The following TRAF2 variants were observed in gnomAD, a reference collection of about 807,000 sequenced individuals.
The protein encoded by TRAF2 is TNF receptor associated factor 2.
A neutral mutation model predicts 55.6 loss-of-function variants in TRAF2; 6 were observed. The ratio of observed to expected loss-of-function variants is 0.11; its 90% CI spans 0.06 to 0.21. TRAF2 has a LOEUF of 0.21. Among genes scored for constraint, TRAF2 ranks in the 10% least tolerant of loss-of-function variants. The pLI, the probability that TRAF2 is intolerant of heterozygous loss-of-function variation, is 1.00. For synonymous variants in TRAF2, 329 were observed against 276.3 expected, an observed-to-expected ratio of 1.19 and a Z score of -1.89; for missense variants, 561 against 684.5, an observed-to-expected ratio of 0.82 and a Z score of 2.01.
At chr9:136,919,033 C>T (rs1040255146) in intron 7 of TRAF2, among the ~76,000 whole-genome samples, 1 of 47,158 alleles carries the variant, frequency 2.1e-5, no homozygotes, top group Non-Finnish European at 4.6e-5. Flanking sequence ...CTGCACCTGG[C>T]CTATTTTAAT....
chr9:136,916,444 G>A lies in TRAF2; in HGVS notation c.604-97G>A, dbSNP rs1850243353. ...GAGAGTGAAGAGGCCAACGGGGCAG[G>A]TCATGTAACCTCTGTGTCAGTCAGT... is the stretch of plus-strand genomic sequence containing the variant. On this transcript the variant is annotated intron_variant, in intron 6 of 10. Transcript: ENST00000247668. 3 of 1,282,400 alleles carry A rather than the reference G, an allele frequency of 2.3e-6. No individual in the cohort carries two copies. The Admixed American group carries it at 5.1e-5, about 22-fold the overall frequency. The allele number at this position is 1,282,400 out of a possible 1,614,324, so 79.4% of individuals were successfully genotyped here.
At chr9:136,900,189 A>AT (rs1849784422) in intron 3 of TRAF2, among the ~76,000 whole-genome samples, 1 of 144,976 alleles carries the variant, frequency 6.9e-6, no homozygotes, top group Non-Finnish European at 1.5e-5. Context: ...AAAAGAATAA[A>AT]GGGCCGCCAG....
rs1040614001 is a variant in TRAF2 at position 136,926,191 on chromosome 9, C to T, written c.*290C>T. 1 of 560,882 alleles carries T rather than the reference C, an allele frequency of 1.8e-6. No individual in the cohort carries two copies. Among genetic ancestry groups the T allele is most frequent in the East Asian group, 3.6e-5 (1 of 27,946 alleles). 34.7% of individuals were successfully genotyped at this position (560,882 alleles called of 1,614,324 possible). On this transcript the variant is annotated 3_prime_UTR_variant, in exon 11 of 11. Transcript: ENST00000247668. The stretch of plus-strand genomic sequence containing the variant: ...TCCCAGCACAAGCTGCCCTTGCTGT[C>T]CTGTGCAGTGAAGGGAGAGGCCCTG...
At chr9:136,885,704 G>A (rs1849431552), upstream of TRAF2, among the ~76,000 whole-genome samples, 2 of 152,050 alleles carry the variant, frequency 1.3e-5, no homozygotes, top group African/African-American at 2.4e-5. Flanking sequence ...GGAGGCGGAG[G>A]TTGCAGTGAG....
At chr9:136,893,126 C>T (rs949554659) in intron 1 of TRAF2, among the ~76,000 whole-genome samples, 3 of 152,146 alleles carry the variant, frequency 2.0e-5, no homozygotes, top group African/African-American at 4.8e-5. Context: ...CTGTGAGCTC[C>T]GGAACATCCA....
At chr9:136,918,254 TATATTTATTTAA>T (rs200266708) in intron 7 of TRAF2, among the ~76,000 whole-genome samples, 61,272 of 113,956 alleles carry the variant, frequency 0.54, 14,388 homozygotes, top group East Asian at 0.69. Context: ...TATATATATA[TATATTTATTTAA>T]TTAATTAATT....
chr9:136,922,729 G>C (rs1415098923), intron 9 of TRAF2, among the ~76,000 whole-genome samples: 1 of 143,344 alleles, frequency 7.0e-6, no homozygotes, highest in Non-Finnish European at 1.5e-5. Context: ...GGTGGAGGAC[G>C]GGGACGGGGA....
At chr9:136,901,327 C>T (rs1849815294) in intron 4 of TRAF2, among the ~76,000 whole-genome samples, 1 of 152,194 alleles carries the variant, frequency 6.6e-6, no homozygotes, top group South Asian at 2.1e-4. Flanking sequence ...CCTGGAGTAA[C>T]ACTGTCCACA....
At chr9:136,919,717 C>A (rs1317954153) in intron 7 of TRAF2, among the ~76,000 whole-genome samples, 1 of 151,654 alleles carries the variant, frequency 6.6e-6, no homozygotes, top group African/African-American at 2.4e-5. Context: ...CTGTCCCGTC[C>A]CTTTTTTCTT....
rs565006356 is a variant in TRAF2 at position 136,896,799 on chromosome 9, G to A, written c.-28-1914G>A. ...AATTTTTTGTATTTTTAATAGAGAC[G>A]GGGTTTCACCGTGTTAGCCAGGATG... On this transcript the variant is annotated intron_variant, in intron 1 of 10. Coordinates refer to ENST00000247668, the MANE Select transcript of TRAF2 (RefSeq NM_021138.4). 2.3e-4 allele frequency among the ~76,000 whole-genome samples: 35 copies of A among 152,220 alleles called. 1 individual carries two copies. The East Asian group carries it at 6.6e-3, about 29-fold the overall frequency.
At chr9:136,923,484 G>A (rs967090713) in intron 9 of TRAF2, among the ~76,000 whole-genome samples, 2 of 151,948 alleles carry the variant, frequency 1.3e-5, no homozygotes, top group African/African-American at 2.4e-5. Context: ...GGTGTCGAGC[G>A]TCTGTAATCT....
chr9:136,922,920 C>T (rs1338910575), intron 9 of TRAF2, among the ~76,000 whole-genome samples: 1 of 113,018 alleles, frequency 8.8e-6, no homozygotes, highest in Non-Finnish European at 1.8e-5. Context: ...CTTGGGGGCA[C>T]GCGGTGGAGG....
At chr9:136,915,866 C>A (rs970013342) in intron 6 of TRAF2, among the ~76,000 whole-genome samples, 1 of 152,174 alleles carries the variant, frequency 6.6e-6, no homozygotes, top group African/African-American at 2.4e-5. Flanking sequence ...ACAGTTACGG[C>A]CGTTTCCCTC....
chr9:136,920,635 C>A, intron 8 of TRAF2, 120 bp downstream of exon 8: 1 of 1,310,990 alleles, frequency 7.6e-7, no homozygotes, highest in Non-Finnish European at 1.0e-6. Context: ...AGAACTCCAT[C>A]TGCAAACCCC....
At chr9:136,904,654 G>A (rs947609004) in intron 4 of TRAF2, among the ~76,000 whole-genome samples, 1 of 151,952 alleles carries the variant, frequency 6.6e-6, no homozygotes, top group Non-Finnish European at 1.5e-5. Context: ...TGATCCACCC[G>A]CCTCGGCCTC....
chr9:136,913,499 A>G (rs1850170624), intron 6 of TRAF2, among the ~76,000 whole-genome samples: 1 of 151,362 alleles, frequency 6.6e-6, no homozygotes, highest in Non-Finnish European at 1.5e-5. Context: ...GGGTTTCACT[A>G]TGTTGGCCAG....
intron 6 of TRAF2, among the ~76,000 whole-genome samples, chr9:136,912,696 G>C (rs534925207): frequency 6.6e-6 from 1 of 152,144 alleles, no homozygotes; most frequent in African/African-American, 2.4e-5. Flanking sequence ...AATTAGCTGG[G>C]CATGGTGGTG....
At chr9:136,920,579 C>T in intron 8 of TRAF2, 64 bp downstream of exon 8, 1 of 1,517,036 alleles carries the variant, frequency 6.6e-7, no homozygotes, top group Non-Finnish European at 8.8e-7. Context: ...TGTTCGTGCC[C>T]CAGCAGGTTC....
At chr9:136,886,214 A>G (rs1274846962), upstream of TRAF2, 5 of 174,220 alleles carry the variant, frequency 2.9e-5, no homozygotes, top group African/African-American at 4.8e-5. Context: ...ACAGCGCAGC[A>G]CCTCACCAGC....
Sources: allele counts gnomAD v4.1 joint callset (sites outside exome capture counted in the v4.1 genomes callset), GRCh38; gene constraint gnomAD v4.1.1; transcripts MANE v1.5; gene names NCBI Gene and HGNC (gene_info 2026-07-23, HGNC 2026-07-21).